Variants in CBX6 observed in about 807,000 individuals in gnomAD.
CBX6 encodes the protein chromobox protein homolog 6.
A neutral mutation model predicts 28.4 loss-of-function variants in CBX6; 7 were observed. The observed-to-expected ratio is 0.25, with a 90% CI of 0.14 to 0.46. The LOEUF (loss-of-function observed/expected upper bound fraction) is 0.46, where lower values mean the gene tolerates loss of function less well. Among genes scored for constraint, CBX6 ranks in the 20% least tolerant of loss-of-function variants. CBX6 has a pLI of 0.99. For synonymous variants in CBX6, 297 were observed against 273.4 expected, an observed-to-expected ratio of 1.09 and a Z score of -0.85; for missense variants, 512 against 606.1, an observed-to-expected ratio of 0.84 and a Z score of 1.63.
rs1246136212 is a variant in CBX6 at position 38,866,531 on chromosome 22, C to G, written c.917G>C (p.Ser306Thr). Residue 306 changes from serine to threonine, a missense_variant, in exon 5 of 5, where the codon AGC (serine) becomes ACC (threonine). By Grantham distance (58) the Ser-to-Thr change is moderately conservative. Coordinates refer to ENST00000407418, the MANE Select transcript of CBX6 (RefSeq NM_014292.5). This position sits in a 1 kb window ranked among gnomAD's most constrained non-coding sequence, Gnocchi z 7.5. ...LPETVSPSAPSWREPEVLDLS... is the reference protein window; with the variant it reads ...LPETVSPSAPTWREPEVLDLS... ...GTCGAGCACCTCCGGCTCGCGCCAGCTGGGGGCGGATGGGCTCACGGTCTC... is the reference window on the plus strand; with the variant it reads ...GTCGAGCACCTCCGGCTCGCGCCAGGTGGGGGCGGATGGGCTCACGGTCTC... 6.3e-6 allele frequency: 10 copies of G among 1,580,390 alleles called. No homozygotes were observed. The highest frequency in any genetic ancestry group is 7.7e-6 in the Non-Finnish European group (9 of 1,170,366).
At chr22:38,868,776 C>G (rs962334479) in intron 4 of CBX6, among the ~76,000 whole-genome samples, 1 of 152,154 alleles carries the variant, frequency 6.6e-6, no homozygotes, top group Non-Finnish European at 1.5e-5. Flanking sequence ...GGTCTCTCTA[C>G]CTCCCACTCC....
chr22:38,868,783 C>T lies in CBX6; in HGVS notation c.247-1582G>A, dbSNP rs569926717. On this transcript the variant is annotated intron_variant, in intron 4 of 4. Transcript: ENST00000407418. ...TGTTGTGAGGTCTCTCTACCTCCCA[C>T]TCCCCACAGCATTGGATGCTTAACT... 1.8e-4 allele frequency among the ~76,000 whole-genome samples: 28 copies of T among 152,292 alleles called. No homozygotes were observed. In the South Asian group the frequency reaches 4.1e-3, roughly 23 times the overall value.
At position 38,862,376 on chromosome 22, in the gene CBX6, A is replaced by C. The variant is rs1014715054; in HGVS notation, c.*3833T>G. On this transcript the variant is annotated 3_prime_UTR_variant, in exon 5 of 5. Transcript: ENST00000407418. The stretch of plus-strand genomic sequence containing the variant: ...GACATGCAGATAGGGAAGAAACTAA[A>C]ACCTTTCAATGTCTTCCTTTTTTCT... The C allele has an allele frequency of 2.0e-5, 3 of 152,060 alleles. No homozygotes were observed. Among genetic ancestry groups the C allele is most frequent in the Admixed American group, 6.6e-5 (1 of 15,262 alleles). 9.4% of individuals were successfully genotyped at this position (152,060 alleles called of 1,614,324 possible).
rs1603249852 is a variant in CBX6 at position 38,866,137 on chromosome 22, G to A, written c.*72C>T. 1.8e-6 allele frequency: 2 copies of A among 1,091,996 alleles called. No homozygotes were observed. The highest frequency in any genetic ancestry group is 2.6e-6 in the Non-Finnish European group (2 of 757,070). The allele number at this position is 1,091,996 out of a possible 1,614,324, so 67.6% of individuals were successfully genotyped here. On this transcript the variant is annotated 3_prime_UTR_variant, in exon 5 of 5. Transcript: ENST00000407418. The surrounding 1 kb of genome is among the most constrained non-coding windows in gnomAD (Gnocchi z 7.5). ...ACAGGGAGAGAGGGCTGGGGGCAAG[G>A]GTGGGGTGGGAGCAAGAGTATGACT...
At position 38,866,356 on chromosome 22, in the gene CBX6, G is replaced by T; in HGVS notation, c.1092C>A (p.Pro364=). 1 of 1,613,868 alleles carries T rather than the reference G, an allele frequency of 6.2e-7. No individual in the cohort carries two copies. The highest frequency in any genetic ancestry group is 1.1e-5 in the South Asian group (1 of 91,088). ...CATCGGTGACGACCACATTGGAGCAGGGTGACATCTCGGGGCGCCAGTCCC... is the reference window on the plus strand; with the variant it reads ...CATCGGTGACGACCACATTGGAGCATGGTGACATCTCGGGGCGCCAGTCCC... ...EAGDWRPEMS[P]CSNVVVTDVT... The change falls in exon 5 of 5, where the codon CCC becomes CCA. Residue 364 remains proline (P), a synonymous_variant. Coordinates refer to ENST00000407418, the MANE Select transcript of CBX6 (RefSeq NM_014292.5). The surrounding 1 kb of genome is among the most constrained non-coding windows in gnomAD (Gnocchi z 7.5).
chr22:38,871,469 G>C lies in CBX6; in HGVS notation c.246+11C>G. 6.2e-7 allele frequency: 1 copy of C among 1,607,302 alleles called. No individual in the cohort carries two copies. Among genetic ancestry groups the C allele is most frequent in the Non-Finnish European group, 8.5e-7 (1 of 1,176,860 alleles). On this transcript the variant is annotated intron_variant, in intron 4 of 4. Transcript: ENST00000407418. This position sits in a 1 kb window ranked among gnomAD's most constrained non-coding sequence, Gnocchi z 5.6. Reference sequence around the variant, plus strand: ...CGAGAGGGGGATGCTGCTGGGGCTGGGCCAGGTTACCTTCAGGAGGAAAGT... The same window carrying C: ...CGAGAGGGGGATGCTGCTGGGGCTGCGCCAGGTTACCTTCAGGAGGAAAGT...
rs2093180940 is a variant in CBX6 at position 38,871,105 on chromosome 22, C to G, written c.246+375G>C. The stretch of plus-strand genomic sequence containing the variant: ...CCTTGTGCCCTGCCAGGAGGTGGGA[C>G]CCCACTCACTCTCCCCCTGGGTTCC... On this transcript the variant is annotated intron_variant, in intron 4 of 4. Coordinates refer to ENST00000407418, the MANE Select transcript of CBX6 (RefSeq NM_014292.5). This position sits in a 1 kb window ranked among gnomAD's most constrained non-coding sequence, Gnocchi z 5.6. The G allele has an allele frequency of 8.4e-6, 2 of 239,330 alleles. No homozygotes were observed. The highest frequency in any genetic ancestry group is 1.0e-4 in the Admixed American group (2 of 19,164). The allele number at this position is 239,330 out of a possible 1,614,324, so 14.8% of individuals were successfully genotyped here. A position where few individuals can be genotyped will look rare whatever the true frequency, so the allele number is the denominator to read the frequency against.
Position 38,866,176 on chromosome 22 carries a change from C to G in CBX6, c.*33G>C. On this transcript the variant is annotated 3_prime_UTR_variant, in exon 5 of 5. Transcript: ENST00000407418. The surrounding 1 kb of genome is among the most constrained non-coding windows in gnomAD (Gnocchi z 7.5). ...AAGAGTATGACTTCGGGCAGGAGGG[C>G]CCCCCCAAGCCCCCCTCCTTGGTGG... is the stretch of plus-strand genomic sequence containing the variant. 1 of 1,447,964 alleles carries G rather than the reference C, an allele frequency of 6.9e-7. No homozygotes were observed. Among genetic ancestry groups the G allele is most frequent in the East Asian group, 2.4e-5 (1 of 42,030 alleles). The allele number at this position is 1,447,964 out of a possible 1,614,324, so 89.7% of individuals were successfully genotyped here.
rs1392305353 is a variant in CBX6 at position 38,862,238 on chromosome 22, C to CTAA, written c.*3970_*3971insTTA. The stretch of plus-strand genomic sequence containing the variant: ...AAGGCCTGGGAGGGGGCATCTTTGG[C>CTAA]CCCCACTAACCATCTCCCTATTTCT... On this transcript the variant is annotated 3_prime_UTR_variant, in exon 5 of 5. Transcript: ENST00000407418. 1 of 152,206 alleles carries CTAA rather than the reference C, an allele frequency of 6.6e-6. No individual in the cohort carries two copies. Among genetic ancestry groups the CTAA allele is most frequent in the Non-Finnish European group, 1.5e-5 (1 of 68,054 alleles). The allele number at this position is 152,206 out of a possible 1,614,324, so 9.4% of individuals were successfully genotyped here. A position where few individuals can be genotyped will look rare whatever the true frequency, so the allele number is the denominator to read the frequency against.
chr22:38,867,228 G>GGGGGGTTGGGGGGGGGGGGGGGGC, intron 4 of CBX6, 27 bp from the exon 5 acceptor site: 1 of 518,866 alleles, frequency 1.9e-6, no homozygotes, highest in African/African-American at 2.0e-5. Flanking sequence ...GGGTGGGTGG[G>GGGGGGTTGGGGGGGGGGGGGGGGC]ACCTCAGGAC....
chr22:38,869,380 G>A (rs117326730), intron 4 of CBX6, among the ~76,000 whole-genome samples: 1,700 of 152,146 alleles, frequency 0.011, 15 homozygotes, highest in Non-Finnish European at 0.017. Context: ...ACCATCACAG[G>A]GCCTACTACG....
At position 38,871,208 on chromosome 22, in the gene CBX6, T is replaced by C. The variant is rs80174574; in HGVS notation, c.246+272A>G. 1.5e-5 allele frequency: 8 copies of C among 544,044 alleles called. No homozygotes were observed. In the African/African-American group the frequency reaches 1.6e-4, roughly 11 times the overall value. The allele number at this position is 544,044 out of a possible 1,614,324, so 33.7% of individuals were successfully genotyped here. A position where few individuals can be genotyped will look rare whatever the true frequency, so the allele number is the denominator to read the frequency against. ...TCCCCCACCTGCCTCAGCCACCCCC[T>C]TTCCTGGAGCCCTAAAGGCATCCCC... is the stretch of plus-strand genomic sequence containing the variant. On this transcript the variant is annotated intron_variant, in intron 4 of 4. Transcript: ENST00000407418. The surrounding 1 kb of genome is among the most constrained non-coding windows in gnomAD (Gnocchi z 5.6).
chr22:38,865,857 G>C lies in CBX6; in HGVS notation c.*352C>G, dbSNP rs1425787087. ...GCTCCTAAGGGCCCCACAGCTGCCAGGTTAGCACCGAGAAATCAGACGCCG... is the reference window on the plus strand; with the variant it reads ...GCTCCTAAGGGCCCCACAGCTGCCACGTTAGCACCGAGAAATCAGACGCCG... On this transcript the variant is annotated 3_prime_UTR_variant, in exon 5 of 5. Transcript: ENST00000407418. 1 of 272,762 alleles carries C rather than the reference G, an allele frequency of 3.7e-6. No individual in the cohort carries two copies. The highest frequency in any genetic ancestry group is 2.2e-5 in the African/African-American group (1 of 45,336). 16.9% of individuals were successfully genotyped at this position (272,762 alleles called of 1,614,324 possible).
At chr22:38,869,003 G>A (rs73159327) in intron 4 of CBX6, among the ~76,000 whole-genome samples, 8,629 of 152,264 alleles carry the variant, frequency 0.057, 322 homozygotes, top group Non-Finnish European at 0.082. Flanking sequence ...GGCCTCCTGG[G>A]GCTGCTTGGT....
rs1478971621 is a variant in CBX6, at chr22:38,865,211, G to A, written c.*998C>T. The A allele has an allele frequency of 6.6e-6, 1 of 152,340 alleles. No individual in the cohort carries two copies. The highest frequency in any genetic ancestry group is 1.5e-5 in the Non-Finnish European group (1 of 68,098). 9.4% of individuals were successfully genotyped at this position (152,340 alleles called of 1,614,324 possible). A position where few individuals can be genotyped will look rare whatever the true frequency, so the allele number is the denominator to read the frequency against. On this transcript the variant is annotated 3_prime_UTR_variant, in exon 5 of 5. Coordinates refer to ENST00000407418, the MANE Select transcript of CBX6 (RefSeq NM_014292.5). ...ATGTGAAGTGAAGGTCCGACAGGTTGGGCTGACCACCCTGAGGAGGGCAGG... is the reference window on the plus strand; with the variant it reads ...ATGTGAAGTGAAGGTCCGACAGGTTAGGCTGACCACCCTGAGGAGGGCAGG...
Position 38,862,030 on chromosome 22 carries a change from C to T in CBX6, c.*4179G>A, listed in dbSNP as rs537969791. 5.3e-5 allele frequency: 8 copies of T among 152,342 alleles called. No homozygotes were observed. The East Asian group carries it at 1.3e-3, about 26-fold the overall frequency. The allele number at this position is 152,342 out of a possible 1,614,324, so 9.4% of individuals were successfully genotyped here. A position where few individuals can be genotyped will look rare whatever the true frequency, so the allele number is the denominator to read the frequency against. On this transcript the variant is annotated 3_prime_UTR_variant, in exon 5 of 5. Coordinates refer to ENST00000407418, the MANE Select transcript of CBX6 (RefSeq NM_014292.5). ...CAAAAAGAAGTCTCCCTCTCCACTC[C>T]ACCCAGCAGCAAGGGCAGCCGGAAC... is the stretch of plus-strand genomic sequence containing the variant.
At position 38,871,797 on chromosome 22, in the gene CBX6, G is replaced by C; in HGVS notation, c.114-40C>G. 1 of 1,599,360 alleles carries C rather than the reference G, an allele frequency of 6.3e-7. No homozygotes were observed. Among genetic ancestry groups the C allele is most frequent in the Non-Finnish European group, 8.5e-7 (1 of 1,170,794 alleles). ...ACGCACAAAATCAGGATGAAGACCA[G>C]AGAGGGACAGGCACGCGGCGAGAGC... On this transcript the variant is annotated intron_variant, in intron 2 of 4. Transcript: ENST00000407418. This position sits in a 1 kb window ranked among gnomAD's most constrained non-coding sequence, Gnocchi z 5.6.
Position 38,870,363 on chromosome 22 carries a change from T to C in CBX6, c.246+1117A>G, listed in dbSNP as rs1568997084. 6.6e-6 allele frequency: 1 copy of C among 152,136 alleles called. No homozygotes were observed. The highest frequency in any genetic ancestry group is 1.5e-5 in the Non-Finnish European group (1 of 68,020). 9.4% of individuals were successfully genotyped at this position (152,136 alleles called of 1,614,324 possible). On this transcript the variant is annotated intron_variant, in intron 4 of 4. Transcript: ENST00000407418. The surrounding 1 kb of genome is among the most constrained non-coding windows in gnomAD (Gnocchi z 4.3). Reference sequence around the variant, plus strand: ...AAAGAACTATCAAGAAAAAAAGGCGTTCTGTGTATCAATGCTCATGGTCAT... The same window carrying C: ...AAAGAACTATCAAGAAAAAAAGGCGCTCTGTGTATCAATGCTCATGGTCAT...
chr22:38,866,320 G>C lies in CBX6; in HGVS notation c.1128C>G (p.Asn376Lys). 2 of 1,614,008 alleles carry C rather than the reference G, an allele frequency of 1.2e-6. No homozygotes were observed. The highest frequency in any genetic ancestry group is 1.7e-6 in the Non-Finnish European group (2 of 1,179,992). Residue 376 changes from asparagine (N) to lysine (K), a missense_variant, in exon 5 of 5, where the codon AAC becomes AAG. By Grantham distance (94) the Asn-to-Lys change is moderately conservative. Coordinates refer to ENST00000407418, the MANE Select transcript of CBX6 (RefSeq NM_014292.5). The surrounding 1 kb of genome is among the most constrained non-coding windows in gnomAD (Gnocchi z 7.5). ...ATTCCTTGATTGTGACCGTCAGGAGGTTGCTGGTGACATCGGTGACGACCA... is the reference window on the plus strand; with the variant it reads ...ATTCCTTGATTGTGACCGTCAGGAGCTTGCTGGTGACATCGGTGACGACCA... ...SNVVVTDVTS[N>K]LLTVTIKEFC...
Sources: allele counts gnomAD v4.1 joint callset (sites outside exome capture counted in the v4.1 genomes callset), GRCh38; gene constraint gnomAD v4.1.1; non-coding constraint Gnocchi (gnomAD v3.1); transcripts MANE v1.5; gene names NCBI Gene and HGNC (gene_info 2026-07-23, HGNC 2026-07-21).